The following ALDH1L1 variants were observed in gnomAD, a reference collection of about 807,000 sequenced individuals.
ALDH1L1 encodes aldehyde dehydrogenase 1 family member L1, also known as cytosolic 10-formyltetrahydrofolate dehydrogenase.
Under a neutral mutation model 101.1 loss-of-function variants are expected in ALDH1L1, and 68 were observed. The observed-to-expected ratio is 0.67, with a 90% CI of 0.55 to 0.82. The LOEUF is 0.82. Among genes scored for constraint, ALDH1L1 ranks in the 40% least tolerant of loss-of-function variants. The pLI is 0.00. For missense variants in ALDH1L1, 1,087 were observed against 1,172.7 expected (o/e 0.93, Z 1.07); for synonymous variants, 486 against 470.8 (o/e 1.03, Z -0.42).
intron 22 of ALDH1L1, 183 bp from the exon 23 acceptor site, chr3:126,104,029 G>A (rs935249903): frequency 4.8e-6 from 3 of 630,794 alleles, no homozygotes; most frequent in Non-Finnish European, 2.8e-6. Flanking sequence ...AGTGGATAGT[G>A]GGCCAGGACT....
Position 126,111,927 on chromosome 3 carries a change from G to T in ALDH1L1, c.2181+855C>A, listed in dbSNP as rs150016801. On this transcript the variant is annotated intron_variant, in intron 19 of 22. Transcript: ENST00000393434. ...ATGAAGGATGGCTGAGGCCTGGCTC[G>T]TGTCAACCCCACAGTGTTTTCTAAC... is the stretch of plus-strand genomic sequence containing the variant. 1.8e-3 allele frequency among the ~76,000 whole-genome samples: 267 copies of T among 152,304 alleles called. 3 individuals are homozygous for T. The highest frequency in any genetic ancestry group is 7.8e-4 in the Admixed American group (12 of 15,304).
At chr3:126,116,380 C>T (rs184885589) in intron 17 of ALDH1L1, among the ~76,000 whole-genome samples, 1 of 152,026 alleles carries the variant, frequency 6.6e-6, no homozygotes. Context: ...ACTACAGGCA[C>T]GTGCCACCAC....
Position 126,140,798 on chromosome 3 carries a change from G to C in ALDH1L1, c.1077-2838C>G, listed in dbSNP as rs375223529. ...AAATAACTAAAAACATACAGTAAAA[G>C]AAAGAAGGGAATCAAAGTGATACAC... On this transcript the variant is annotated intron_variant, in intron 9 of 22. Transcript: ENST00000393434. 3.1e-4 allele frequency among the ~76,000 whole-genome samples: 47 copies of C among 150,692 alleles called. 1 individual carries two copies. In the South Asian group the frequency reaches 8.1e-3, roughly 26 times the overall value.
At chr3:126,159,359 C>T (rs531331162) in intron 2 of ALDH1L1, 15 of 447,874 alleles carry the variant, frequency 3.3e-5, no homozygotes, top group African/African-American at 1.6e-4. Flanking sequence ...ATAGTTAAAG[C>T]GTCCTCCTTT....
chr3:126,154,446 G>C (rs2080865860), intron 6 of ALDH1L1, 108 bp downstream of exon 6: 1 of 1,164,690 alleles, frequency 8.6e-7, no homozygotes, highest in Admixed American at 1.8e-5. Context: ...GTAGGGGCCA[G>C]GGCAGTAGCT....
intron 9 of ALDH1L1, among the ~76,000 whole-genome samples, chr3:126,141,584 G>A (rs977261162): frequency 2.6e-5 from 4 of 151,998 alleles, no homozygotes; most frequent in African/African-American, 9.7e-5. Context: ...ATGAAAATGA[G>A]CTAGCACACT....
intron 9 of ALDH1L1, among the ~76,000 whole-genome samples, chr3:126,143,829 T>C (rs1174354087): frequency 6.6e-6 from 1 of 152,038 alleles, no homozygotes; most frequent in Non-Finnish European, 1.5e-5. Context: ...CCTGCAGTCC[T>C]GCTACTCAGG....
intron 1 of ALDH1L1, among the ~76,000 whole-genome samples, chr3:126,176,863 G>A (rs771657332): frequency 5.3e-5 from 8 of 152,108 alleles, no homozygotes; most frequent in Admixed American, 1.3e-4. Context: ...AAACTCAACA[G>A]TAAAACAAAC....
chr3:126,170,190 A>C (rs1162475376), intron 1 of ALDH1L1, among the ~76,000 whole-genome samples: 2 of 152,182 alleles, frequency 1.3e-5, no homozygotes, highest in Non-Finnish European at 2.9e-5. Flanking sequence ...TCTCCTTTTA[A>C]GCCAACTATT....
At chr3:126,194,643 AAC>A (rs995530488) in intron 1 of ALDH1L1, among the ~76,000 whole-genome samples, 4 of 152,200 alleles carry the variant, frequency 2.6e-5, no homozygotes, top group Non-Finnish European at 4.4e-5. Context: ...AATATGTTCA[AAC>A]ACAGAATATT....
chr3:126,144,113 TA>T lies in ALDH1L1; in HGVS notation c.1076+2721del, dbSNP rs555034087. On this transcript the variant is annotated intron_variant, in intron 9 of 22. Coordinates refer to ENST00000393434, the MANE Select transcript of ALDH1L1 (RefSeq NM_012190.4). ...AGGAAATTAATAAAACAATTCCCTT[TA>T]CAATGGCATCAAAAGAATAAAATAA... 4.1e-3 allele frequency among the ~76,000 whole-genome samples: 626 copies of T among 152,270 alleles called. 7 individuals are homozygous for T. Among genetic ancestry groups the T allele is most frequent in the African/African-American group, 0.014 (594 of 41,558 alleles).
At chr3:126,161,137 C>T in intron 1 of ALDH1L1, 135 bp from the exon 2 acceptor site, 1 of 998,976 alleles carries the variant, frequency 1.0e-6, no homozygotes. Flanking sequence ...GGGTGGCAGG[C>T]CACTGAGGGG....
At chr3:126,134,584 C>T (rs542193658) in intron 12 of ALDH1L1, among the ~76,000 whole-genome samples, 45 of 152,242 alleles carry the variant, frequency 3.0e-4, no homozygotes, top group Non-Finnish European at 5.3e-4. Flanking sequence ...CCTGCCCCAA[C>T]CCTAATCTCC....
At chr3:126,157,577 C>G in intron 3 of ALDH1L1, 69 bp from the exon 4 acceptor site, 1 of 1,534,372 alleles carries the variant, frequency 6.5e-7, no homozygotes, top group Non-Finnish European at 8.8e-7. Flanking sequence ...GGGTACAGGC[C>G]CGTGGACCTG....
Position 126,157,393 on chromosome 3 carries a change from C to T in ALDH1L1, c.478G>A (p.Val160Met), listed in dbSNP as rs950827145. The change falls in exon 4 of 23, where the codon GTG becomes ATG. Residue 160 changes from valine to methionine, a missense_variant. Val to Met is a conservative substitution (Grantham distance 21). Coordinates refer to ENST00000393434, the MANE Select transcript of ALDH1L1 (RefSeq NM_012190.4). ...KECEVLPDDTVSTLYNRFLFP... is the reference protein window; with the variant it reads ...KECEVLPDDTMSTLYNRFLFP... ...AGGAAGCGGTTGTACAGCGTGCTCA[C>T]GGTGTCGTCCGGGAGCACCTCACAC... is the stretch of plus-strand genomic sequence containing the variant. 1.9e-6 allele frequency: 3 copies of T among 1,614,084 alleles called. No individual in the cohort carries two copies. Among genetic ancestry groups the T allele is most frequent in the Non-Finnish European group, 2.5e-6 (3 of 1,180,004 alleles).
chr3:126,178,746 TTGTG>T lies in ALDH1L1; in HGVS notation c.-24+1726_-24+1729del, dbSNP rs112510826. The stretch of plus-strand genomic sequence containing the variant: ...CACGATAATTGTGTAAGGCTTAAGT[TTGTG>T]TGTGTGTGTGTGTGTGTCTGTGTGT... On this transcript the variant is annotated intron_variant, in intron 1 of 22. Transcript: ENST00000393434. 1.2e-3 allele frequency among the ~76,000 whole-genome samples: 173 copies of T among 149,906 alleles called. 1 individual carries two copies. Among genetic ancestry groups the T allele is most frequent in the African/African-American group, 3.2e-3 (130 of 40,988 alleles).
At chr3:126,110,459 G>A (rs1422396051) in intron 19 of ALDH1L1, among the ~76,000 whole-genome samples, 1 of 152,178 alleles carries the variant, frequency 6.6e-6, no homozygotes, top group Non-Finnish European at 1.5e-5. Flanking sequence ...CCAGCCTCAT[G>A]GACCAAGAAG....
chr3:126,117,949 A>G, intron 17 of ALDH1L1, 56 bp downstream of exon 17: 1 of 1,487,896 alleles, frequency 6.7e-7, no homozygotes, highest in Non-Finnish European at 9.3e-7. Flanking sequence ...CAGCACTGCC[A>G]TGTCCCAGGC....
chr3:126,181,905 T>A (rs1451247426), upstream of ALDH1L1, among the ~76,000 whole-genome samples: 1 of 152,248 alleles, frequency 6.6e-6, no homozygotes, highest in Non-Finnish European at 1.5e-5. Context: ...CCCTTGTTCT[T>A]TAGGCTCCAG....
Sources: allele counts gnomAD v4.1 joint callset (sites outside exome capture counted in the v4.1 genomes callset), GRCh38; gene constraint gnomAD v4.1.1; transcripts MANE v1.5; gene names NCBI Gene and HGNC (gene_info 2026-07-23, HGNC 2026-07-21).